Variants in BAZ2B observed in about 807,000 individuals in gnomAD.
BAZ2B encodes the protein bromodomain adjacent to zinc finger domain protein 2B.
BAZ2B carries 91 observed loss-of-function variants against 246.0 expected under a neutral mutation model. The ratio of observed to expected loss-of-function variants is 0.37; its 90% confidence interval spans 0.31 to 0.44. The LOEUF (loss-of-function observed/expected upper bound fraction) is 0.44. Among genes scored for constraint, BAZ2B ranks in the 20% least tolerant of loss-of-function variants. BAZ2B has a pLI of 1.00. For missense variants in BAZ2B, 2,332 were observed against 2,533.7 expected (o/e 0.92, Z 1.71); for synonymous variants, 855 against 860.0 (o/e 0.99, Z 0.10).
At chr2:159,427,365 G>A (rs2070139915) in intron 13 of BAZ2B, among the ~76,000 whole-genome samples, 1 of 152,086 alleles carries the variant, frequency 6.6e-6, no homozygotes, top group African/African-American at 2.4e-5. Flanking sequence ...CTCAAAGGGA[G>A]CTGTGGTGAT....
At chr2:159,396,472 T>A (rs1050941199) in intron 19 of BAZ2B, 3 of 152,212 alleles carry the variant, frequency 2.0e-5, no homozygotes, top group Non-Finnish European at 2.9e-5. Flanking sequence ...ATACTCTATT[T>A]AAAGCCACAA....
intron 31 of BAZ2B, among the ~76,000 whole-genome samples, chr2:159,343,080 T>C (rs1386260070): frequency 6.6e-6 from 1 of 152,144 alleles, no homozygotes; most frequent in Non-Finnish European, 1.5e-5. Context: ...CATAAACCAA[T>C]GGGATAGAAT....
chr2:159,575,817 A>C (rs1184150533), intron 1 of BAZ2B, among the ~76,000 whole-genome samples: 3 of 152,194 alleles, frequency 2.0e-5, no homozygotes, highest in Non-Finnish European at 4.4e-5. Flanking sequence ...TTTCAAAAGA[A>C]AAAAATTTTA....
chr2:159,465,647 C>A (rs181227163), intron 3 of BAZ2B, among the ~76,000 whole-genome samples: 1 of 152,176 alleles, frequency 6.6e-6, no homozygotes, highest in Non-Finnish European at 1.5e-5. Flanking sequence ...CCTGAACAGG[C>A]GCGATGGCTC....
intron 2 of BAZ2B, among the ~76,000 whole-genome samples, chr2:159,501,157 T>TAA (rs35919978): frequency 5.4e-5 from 5 of 93,456 alleles, no homozygotes; most frequent in Admixed American, 1.5e-4. Context: ...ATAATATATA[T>TAA]AAATATATAA....
the BAZ2B span, among the ~76,000 whole-genome samples, chr2:159,703,248 C>T: frequency 1.3e-5 from 1 of 76,548 alleles, no homozygotes; most frequent in Non-Finnish European, 3.8e-5. Flanking sequence ...CCACCACACC[C>T]AGCTAATTTT....
intron 13 of BAZ2B, among the ~76,000 whole-genome samples, chr2:159,414,423 T>C (rs1369358447): frequency 6.6e-6 from 1 of 152,134 alleles, no homozygotes; most frequent in African/African-American, 2.4e-5. Context: ...TAAAAGAGTA[T>C]AACTGGATTG....
At chr2:159,655,355 A>G in the BAZ2B span, among the ~76,000 whole-genome samples, 1 of 152,064 alleles carries the variant, frequency 6.6e-6, no homozygotes, top group Non-Finnish European at 1.5e-5. Context: ...CCATAAACCC[A>G]CCTCCAGGAC....
intron 27 of BAZ2B, among the ~76,000 whole-genome samples, chr2:159,369,621 T>C (rs1205989843): frequency 6.6e-6 from 1 of 152,218 alleles, no homozygotes; most frequent in Non-Finnish European, 1.5e-5. Flanking sequence ...CAAGTTTACA[T>C]GCCCAAGTGA....
chr2:159,453,064 C>T (rs186035007), intron 4 of BAZ2B, among the ~76,000 whole-genome samples: 63 of 152,260 alleles, frequency 4.1e-4, no homozygotes, highest in East Asian at 3.1e-3. Context: ...TGCACCACTG[C>T]GCTCTAGCCT....
At position 159,350,271 on chromosome 2, in the gene BAZ2B, C is replaced by T. The variant is rs994630716; in HGVS notation, c.4300G>A (p.Asp1434Asn). The T allele has an allele frequency of 1.2e-6, 2 of 1,610,712 alleles. No individual in the cohort carries two copies. Among genetic ancestry groups the T allele is most frequent in the Admixed American group, 1.7e-5 (1 of 59,550 alleles). Residue 1434 changes from aspartate (D) to asparagine (N), a missense_variant, in exon 28 of 37, where the codon GAC becomes AAC. Asp to Asn is a conservative substitution (Grantham distance 23). Transcript: ENST00000392783. ...IKEEMFETSGDSLNCSNTDHC... is the reference protein window; with the variant it reads ...IKEEMFETSGNSLNCSNTDHC... ...TCTGTATTTGAACAATTTAAACTGT[C>T]CCCAGAAGTCTCAAACATTTCTTCT...
chr2:159,403,016 G>A (rs937467260), intron 16 of BAZ2B, among the ~76,000 whole-genome samples: 11 of 152,030 alleles, frequency 7.2e-5, no homozygotes, highest in African/African-American at 1.4e-4. Context: ...TAGAGTCCTC[G>A]TCAGATCCCA....
chr2:159,573,862 G>A (rs1357261987), intron 1 of BAZ2B, among the ~76,000 whole-genome samples: 3 of 152,170 alleles, frequency 2.0e-5, no homozygotes, highest in Admixed American at 6.5e-5. Flanking sequence ...CACTTTGGGA[G>A]GACAAGGTAG....
At chr2:159,486,738 T>C (rs564186768) in intron 2 of BAZ2B, among the ~76,000 whole-genome samples, 1 of 152,086 alleles carries the variant, frequency 6.6e-6, no homozygotes, top group Admixed American at 6.5e-5. Flanking sequence ...ATAAAGGATA[T>C]TTATTACACC....
At chr2:159,352,395 CATG>C (rs2058659135) in intron 27 of BAZ2B, among the ~76,000 whole-genome samples, 1 of 152,016 alleles carries the variant, frequency 6.6e-6, no homozygotes, top group Admixed American at 6.6e-5. Flanking sequence ...TAACATTAAT[CATG>C]ATGTTTGTTT....
At chr2:159,704,504 C>G in the BAZ2B span, among the ~76,000 whole-genome samples, 5 of 110,948 alleles carry the variant, frequency 4.5e-5, no homozygotes, top group Admixed American at 5.3e-4. Context: ...TTTTTTGAGA[C>G]GGAGTTTCGC....
chr2:159,706,415 A>G, the BAZ2B span, among the ~76,000 whole-genome samples: 2 of 152,238 alleles, frequency 1.3e-5, no homozygotes, highest in African/African-American at 4.8e-5. Flanking sequence ...CAAGGAATTT[A>G]TATCTTTATC....
upstream of BAZ2B, among the ~76,000 whole-genome samples, chr2:159,619,808 T>C (rs1196829761): frequency 6.6e-6 from 1 of 152,076 alleles, no homozygotes; most frequent in Non-Finnish European, 1.5e-5. Context: ...TCAGAGATTA[T>C]AACATAATCA....
intron 27 of BAZ2B, among the ~76,000 whole-genome samples, chr2:159,367,532 T>C (rs2060347254): frequency 6.6e-6 from 1 of 152,224 alleles, no homozygotes; most frequent in African/African-American, 2.4e-5. Context: ...GTACATTTAA[T>C]GTTAAATCTA....
Sources: gnomAD v4.1 joint callset for allele counts (sites outside exome capture counted in the v4.1 genomes callset) on GRCh38, gnomAD v4.1.1 for gene constraint, MANE v1.5 for transcripts, NCBI Gene and HGNC (gene_info 2026-07-23, HGNC 2026-07-21) for gene names.